Variants in DUSP16 observed in about 807,000 individuals in gnomAD.
DUSP16 encodes dual specificity phosphatase 16.
Under a neutral mutation model 58.3 loss-of-function variants are expected in DUSP16, and 21 were observed. The observed-to-expected ratio is 0.36, with a 90% CI of 0.26 to 0.52. DUSP16 has a LOEUF of 0.52. DUSP16 is among the 20% of genes least tolerant of loss of function. The pLI is 0.94. For missense variants in DUSP16, 726 were observed against 819.0 expected (o/e 0.89, Z 1.39); for synonymous variants, 320 against 323.8 (o/e 0.99, Z 0.12).
At chr12:12,532,505 G>A (rs150194217) in intron 1 of DUSP16, among the ~76,000 whole-genome samples, 56 of 152,212 alleles carry the variant, frequency 3.7e-4, no homozygotes, top group African/African-American at 1.2e-3. Context: ...GTAATTAAAC[G>A]TAATTGTCAT....
chr12:12,534,755 C>T (rs1045375570), intron 1 of DUSP16, among the ~76,000 whole-genome samples: 3 of 152,204 alleles, frequency 2.0e-5, no homozygotes, highest in Non-Finnish European at 2.9e-5. Context: ...GACAGTCACC[C>T]GTGAATTCAG....
In DUSP16 at chr12:12,487,029, A is replaced by C. The variant is rs774137923; in HGVS notation, c.690T>G (p.Ile230Met). The C allele has an allele frequency of 6.2e-7, 1 of 1,613,816 alleles. No homozygotes were observed. Among genetic ancestry groups the C allele is most frequent in the Non-Finnish European group, 8.5e-7 (1 of 1,179,852 alleles). The part of the protein sequence containing the change: ...LPWLDKSVDF[I>M]EKAKASNGCV... ...TGCAATATTATTTGAGCTACTTACC[A>C]ATGAAATCTACTGATTTGTCCAACC... The change falls in exon 5 of 7, where the codon ATT (isoleucine) becomes ATG (methionine). Residue 230 changes from isoleucine to methionine, a missense_variant and splice_region_variant. Ile to Met is a conservative substitution (Grantham distance 10). Transcript: ENST00000298573.
intron 1 of DUSP16, among the ~76,000 whole-genome samples, chr12:12,529,998 G>A (rs1470040279): frequency 6.6e-6 from 1 of 152,170 alleles, no homozygotes; most frequent in Non-Finnish European, 1.5e-5. Context: ...CAATAAACAT[G>A]GGTATGCAAA....
In DUSP16 at chr12:12,542,406, A is replaced by G. The variant is rs12315393; in HGVS notation, c.-366+19711T>C. ...GAAAAGAGAAAAAAAAAAAAAAAAA[A>G]AAAGAAATACCCAGAAAGGGCAAAT... On this transcript the variant is annotated intron_variant, in intron 1 of 6. Coordinates refer to ENST00000298573, the MANE Select transcript of DUSP16 (RefSeq NM_030640.3). Among the ~76,000 whole-genome samples, 345 of 151,342 alleles carry G rather than the reference A, an allele frequency of 2.3e-3. 1 individual carries two copies. The highest frequency in any genetic ancestry group is 0.01 in the Middle Eastern group (3 of 292).
chr12:12,492,877 C>T (rs1001232639), intron 4 of DUSP16, among the ~76,000 whole-genome samples: 5 of 152,166 alleles, frequency 3.3e-5, no homozygotes, highest in Non-Finnish European at 7.3e-5. Context: ...CTGGAAAACA[C>T]GTTGTTTATT....
At chr12:12,497,727 T>C (rs569186419) in intron 4 of DUSP16, among the ~76,000 whole-genome samples, 114 of 150,290 alleles carry the variant, frequency 7.6e-4, no homozygotes, top group African/African-American at 2.6e-3. Context: ...ATCCCAGCAC[T>C]TTGGGAGGCT....
chr12:12,510,765 C>G (rs1359930356), intron 3 of DUSP16, among the ~76,000 whole-genome samples: 1 of 152,106 alleles, frequency 6.6e-6, no homozygotes, highest in Non-Finnish European at 1.5e-5. Context: ...CCAACTTTGC[C>G]TGGTAGCTAG....
chr12:12,502,638 G>C (rs1201372457), intron 3 of DUSP16, among the ~76,000 whole-genome samples: 1 of 147,076 alleles, frequency 6.8e-6, no homozygotes, highest in Non-Finnish European at 1.5e-5. Flanking sequence ...TGCAATCTCC[G>C]CCTCCCGAGT....
rs138141698 is a variant in DUSP16, at chr12:12,501,887, G to T, written c.368-1205C>A. On this transcript the variant is annotated intron_variant, in intron 3 of 6. Transcript: ENST00000298573. ...TGCCTGTAATCCCAGCTACTCAGGA[G>T]GCTGAGGCAGGAGAATCGCTTGAAC... Among the ~76,000 whole-genome samples the T allele has an allele frequency of 5.1e-3, 783 of 152,226 alleles. 8 individuals carry two copies. Among genetic ancestry groups the T allele is most frequent in the African/African-American group, 0.017 (712 of 41,498 alleles).
chr12:12,549,738 GAT>G (rs1362327581), intron 1 of DUSP16, among the ~76,000 whole-genome samples: 1 of 151,012 alleles, frequency 6.6e-6, no homozygotes, highest in Non-Finnish European at 1.5e-5. Flanking sequence ...AGTATGAACA[GAT>G]ATGTGTGTAT....
Position 12,473,533 on chromosome 12 carries a change from C to T in DUSP16, c.*3300G>A, listed in dbSNP as rs1943355821. Among the ~76,000 whole-genome samples, 1 of 152,152 alleles carries T rather than the reference C, an allele frequency of 6.6e-6. No homozygotes were observed. The highest frequency in any genetic ancestry group is 2.1e-4 in the South Asian group (1 of 4,830). ...TATCTCACTTCCACCTCTTTTTCTGCAGGGTCCTGGCCAAGATAGCTCTTC... is the reference window on the plus strand; with the variant it reads ...TATCTCACTTCCACCTCTTTTTCTGTAGGGTCCTGGCCAAGATAGCTCTTC... On this transcript the variant is annotated 3_prime_UTR_variant, in exon 7 of 7. Transcript: ENST00000298573.
chr12:12,528,566 A>G (rs754092257), intron 1 of DUSP16, among the ~76,000 whole-genome samples: 4 of 152,260 alleles, frequency 2.6e-5, no homozygotes, highest in Non-Finnish European at 5.9e-5. Context: ...CCAAATCACT[A>G]TAATTCATCA....
chr12:12,484,014 ATTTATC>A (rs1943629285), intron 5 of DUSP16, among the ~76,000 whole-genome samples: 1 of 152,008 alleles, frequency 6.6e-6, no homozygotes, highest in Non-Finnish European at 1.5e-5. Context: ...AAAATTTTAC[ATTTATC>A]TTTAAGAATT....
chr12:12,487,570 T>TA (rs1371125976), intron 4 of DUSP16, among the ~76,000 whole-genome samples: 2 of 152,172 alleles, frequency 1.3e-5, no homozygotes, highest in African/African-American at 4.8e-5. Flanking sequence ...TTCTCTAAGA[T>TA]ACAATTCTAG....
At chr12:12,480,801 C>G (rs186472899) in intron 5 of DUSP16, among the ~76,000 whole-genome samples, 13 of 152,310 alleles carry the variant, frequency 8.5e-5, no homozygotes, top group Admixed American at 2.6e-4. Context: ...TCATTGCAAT[C>G]TCCGCCTCCC....
intron 1 of DUSP16, among the ~76,000 whole-genome samples, chr12:12,529,834 G>C (rs1057063130): frequency 6.6e-6 from 1 of 152,016 alleles, no homozygotes; most frequent in Non-Finnish European, 1.5e-5. Flanking sequence ...TGTCCTCCAG[G>C]TTCATCCATG....
intron 3 of DUSP16, among the ~76,000 whole-genome samples, chr12:12,501,778 G>A (rs925422723): frequency 1.6e-4 from 24 of 152,142 alleles, no homozygotes; most frequent in Admixed American, 1.5e-3. Context: ...GATTGCCTGA[G>A]GTCAGGGGTT....
chr12:12,530,489 G>A (rs999310146), intron 1 of DUSP16, among the ~76,000 whole-genome samples: 14 of 152,148 alleles, frequency 9.2e-5, no homozygotes, highest in African/African-American at 3.4e-4. Flanking sequence ...TTCCCTTGCA[G>A]TGCAGAAGCT....
intron 1 of DUSP16, among the ~76,000 whole-genome samples, chr12:12,559,941 G>A (rs1346203210): frequency 6.6e-6 from 1 of 152,018 alleles, no homozygotes; most frequent in Non-Finnish European, 1.5e-5. Context: ...AAAGAACCGG[G>A]GTAACAGTGT....
Sources: gnomAD v4.1 joint callset for allele counts (sites outside exome capture counted in the v4.1 genomes callset) on GRCh38, gnomAD v4.1.1 for gene constraint, MANE v1.5 for transcripts, NCBI Gene and HGNC (gene_info 2026-07-23, HGNC 2026-07-21) for gene names.